Variants in DOCK4 observed in about 807,000 individuals in gnomAD.
DOCK4 encodes dedicator of cytokinesis 4.
Under a neutral mutation model 268.1 loss-of-function variants are expected in DOCK4, and 97 were observed. That is an observed-to-expected ratio of 0.36 (90% CI 0.31 to 0.43). The LOEUF is 0.43. DOCK4 is among the 20% of genes least tolerant of loss of function. DOCK4 has a pLI of 1.00. For synonymous variants in DOCK4, 954 were observed against 887.2 expected, an observed-to-expected ratio of 1.08 and a Z score of -1.34; for missense variants, 2,145 against 2,455.7, an observed-to-expected ratio of 0.87 and a Z score of 2.67.
chr7:112,017,288 G>A (rs1017927162), intron 1 of DOCK4, among the ~76,000 whole-genome samples: 1 of 152,170 alleles, frequency 6.6e-6, no homozygotes, highest in Non-Finnish European at 1.5e-5. Context: ...TCAAACTACA[G>A]TGAGCATCTT....
intron 16 of DOCK4, among the ~76,000 whole-genome samples, chr7:111,877,422 C>A (rs1015898741): frequency 1.3e-5 from 2 of 152,128 alleles, no homozygotes; most frequent in African/African-American, 2.4e-5. Flanking sequence ...ATGTGAGTGA[C>A]CATATCAAAT....
intron 7 of DOCK4, among the ~76,000 whole-genome samples, chr7:111,980,314 TCCG>T (rs1333097829): frequency 2.0e-5 from 3 of 152,180 alleles, no homozygotes; most frequent in African/African-American, 7.2e-5. Flanking sequence ...ATTCAGTACT[TCCG>T]CAAACTGCTA....
chr7:112,181,412 G>A lies in DOCK4; in HGVS notation c.37+24690C>T, dbSNP rs976096910. Reference sequence around the variant, plus strand: ...CTCACACCTATAATCCCAGCACTTTGGGAGGCTAAGGCAGGAGGATGGCTT... The same window carrying A: ...CTCACACCTATAATCCCAGCACTTTAGGAGGCTAAGGCAGGAGGATGGCTT... On this transcript the variant is annotated intron_variant, in intron 1 of 52. Transcript: ENST00000428084. Among the ~76,000 whole-genome samples, 34 of 152,118 alleles carry A rather than the reference G, an allele frequency of 2.2e-4. 1 individual carries two copies. Among genetic ancestry groups the A allele is most frequent in the Admixed American group, 2.2e-3 (34 of 15,266 alleles).
intron 1 of DOCK4, among the ~76,000 whole-genome samples, chr7:112,113,727 T>C (rs1167896119): frequency 1.5e-5 from 2 of 131,570 alleles, no homozygotes; most frequent in East Asian, 2.3e-4. Context: ...ACCACCATAC[T>C]TGGCTGATTT....
At chr7:112,177,421 G>A (rs937881119) in intron 1 of DOCK4, among the ~76,000 whole-genome samples, 3 of 152,326 alleles carry the variant, frequency 2.0e-5, no homozygotes, top group African/African-American at 4.8e-5. Flanking sequence ...AGAACTGTTC[G>A]TTTAATGGTA....
chr7:112,074,587 C>T (rs999090388), intron 1 of DOCK4, among the ~76,000 whole-genome samples: 2 of 152,182 alleles, frequency 1.3e-5, no homozygotes, highest in African/African-American at 4.8e-5. Flanking sequence ...GGGACATACT[C>T]CTTCCTGTCT....
rs781176191 is a variant in DOCK4, at chr7:111,742,054, C to A, written c.4756G>T (p.Val1586Phe). Residue 1586 changes from valine (V) to phenylalanine (F), a missense_variant, in exon 45 of 53, where the codon GTT becomes TTT. This residue lies in a region of DOCK4 where 1,598 missense variants were observed against 1,986.7 expected (regional missense o/e 0.80). Coordinates refer to ENST00000428084, the MANE Select transcript of DOCK4 (RefSeq NM_001363540.2). Reference sequence around the variant, plus strand: ...GACTTCATCACAAAGAATTGGTCAACCAGCTTTTTGTGAAGGGGTCTCATA... The same window carrying A: ...GACTTCATCACAAAGAATTGGTCAAACAGCTTTTTGTGAAGGGGTCTCATA... The part of the protein sequence containing the change: ...QDMRPLHKKL[V>F]DQFFVMKSSL... 1.2e-6 allele frequency: 2 copies of A among 1,608,672 alleles called. No homozygotes were observed.
At chr7:111,907,909 T>C (rs1252961669) in intron 13 of DOCK4, among the ~76,000 whole-genome samples, 2 of 152,040 alleles carry the variant, frequency 1.3e-5, no homozygotes, top group South Asian at 2.1e-4. Flanking sequence ...TTGTATTTTT[T>C]GTAAAGACAG....
In DOCK4 at chr7:111,877,095, A is replaced by C. The variant is rs1806955152; in HGVS notation, c.1679T>G (p.Met560Arg). ...ACAAAAGGACTCCTTTGTGGCCTTC[A>C]TGGCTTGATTATTATTCCCAAGGAA... Reference protein sequence around the residue: ...GIFLGNNNQAMKATKESFCIT... With the variant: ...GIFLGNNNQARKATKESFCIT... Residue 560 changes from methionine (M) to arginine (R), a missense_variant, in exon 17 of 53, where the codon ATG (methionine) becomes AGG (arginine). This residue lies in a region of DOCK4 where 1,598 missense variants were observed against 1,986.7 expected (regional missense o/e 0.80). Transcript: ENST00000428084. The C allele has an allele frequency of 6.3e-7, 1 of 1,594,368 alleles. No homozygotes were observed. Among genetic ancestry groups the C allele is most frequent in the Non-Finnish European group, 8.5e-7 (1 of 1,171,378 alleles).
At chr7:112,132,564 A>G (rs1813906772) in intron 1 of DOCK4, among the ~76,000 whole-genome samples, 1 of 152,012 alleles carries the variant, frequency 6.6e-6, no homozygotes, top group Admixed American at 6.6e-5. Flanking sequence ...AGGAAGCTAT[A>G]TAGAGACCAG....
chr7:112,177,959 T>C (rs999582761), intron 1 of DOCK4, among the ~76,000 whole-genome samples: 1 of 152,230 alleles, frequency 6.6e-6, no homozygotes, highest in Non-Finnish European at 1.5e-5. Flanking sequence ...TACACACCTA[T>C]ACCTATCCCC....
chr7:111,900,910 A>T (rs1217265585), intron 14 of DOCK4, among the ~76,000 whole-genome samples: 1 of 152,224 alleles, frequency 6.6e-6, no homozygotes, highest in Non-Finnish European at 1.5e-5. Flanking sequence ...TAAATGGGCA[A>T]CTGTATGTCT....
chr7:111,738,806 T>C (rs1039370520), intron 49 of DOCK4, among the ~76,000 whole-genome samples: 2 of 152,038 alleles, frequency 1.3e-5, no homozygotes, highest in African/African-American at 2.4e-5. Context: ...TGTGTGGTGG[T>C]GGGCACCTAT....
intron 16 of DOCK4, among the ~76,000 whole-genome samples, chr7:111,888,551 A>C (rs893124824): frequency 6.6e-6 from 1 of 151,980 alleles, no homozygotes; most frequent in Admixed American, 6.5e-5. Flanking sequence ...TAGAGAGGCA[A>C]TACAGCCTAG....
intron 30 of DOCK4, among the ~76,000 whole-genome samples, chr7:111,805,419 A>T (rs1354589263): frequency 6.6e-6 from 1 of 152,240 alleles, no homozygotes; most frequent in Non-Finnish European, 1.5e-5. Flanking sequence ...ATAAAAGCAC[A>T]TTTAATACTA....
intron 1 of DOCK4, among the ~76,000 whole-genome samples, chr7:112,158,503 C>T (rs1335237997): frequency 6.6e-6 from 1 of 152,112 alleles, no homozygotes; most frequent in Admixed American, 6.6e-5. Flanking sequence ...AATACAAGAA[C>T]TGATAAGGTT....
At chr7:111,853,937 G>T (rs28636994) in intron 23 of DOCK4, among the ~76,000 whole-genome samples, 49,062 of 148,828 alleles carry the variant, frequency 0.33, 8,017 homozygotes, top group East Asian at 0.36. Flanking sequence ...TTGTTGTTTG[G>T]TTTTTTTTTT....
chr7:112,164,220 A>G (rs1817387995), intron 1 of DOCK4, among the ~76,000 whole-genome samples: 1 of 152,088 alleles, frequency 6.6e-6, no homozygotes, highest in South Asian at 2.1e-4. Context: ...GTAGTGAGCT[A>G]TGATCAAGCC....
chr7:111,809,531 A>G, intron 28 of DOCK4, 130 bp from the exon 29 acceptor site: 1 of 681,324 alleles, frequency 1.5e-6, no homozygotes, highest in South Asian at 1.8e-5. Context: ...CCATGAGTTG[A>G]TAATAGTTGA....
Sources: gnomAD v4.1 joint callset for allele counts (sites outside exome capture counted in the v4.1 genomes callset) on GRCh38, gnomAD v4.1.1 for gene constraint, gnomAD v4.1.1 regional missense constraint, MANE v1.5 for transcripts, NCBI Gene and HGNC (gene_info 2026-07-23, HGNC 2026-07-21) for gene names.